The following ARL15 variants were observed in gnomAD, a reference collection of about 807,000 sequenced individuals.
The protein encoded by ARL15 is ADP-ribosylation factor-like protein 15.
ARL15 carries 19 observed loss-of-function variants against 25.2 expected under a neutral mutation model. The ratio of observed to expected loss-of-function variants is 0.75; its 90% confidence interval spans 0.53 to 1.10. The LOEUF is 1.10. Ranked by LOEUF, ARL15 falls within the 50% of genes least tolerant of loss-of-function variation. The pLI, the probability that ARL15 is intolerant of heterozygous loss-of-function variation, is 0.00. For missense variants in ARL15, 220 were observed against 246.0 expected (o/e 0.89, Z 0.71); for synonymous variants, 94 against 86.8 (o/e 1.08, Z -0.46).
At chr5:54,059,325 A>G (rs1750992267) in intron 4 of ARL15, among the ~76,000 whole-genome samples, 1 of 152,220 alleles carries the variant, frequency 6.6e-6, no homozygotes, top group Non-Finnish European at 1.5e-5. Flanking sequence ...CAGCATCTTC[A>G]CTGTGAAGTG....
At chr5:54,077,510 T>C (rs1751649056) in intron 4 of ARL15, among the ~76,000 whole-genome samples, 2 of 152,144 alleles carry the variant, frequency 1.3e-5, no homozygotes, top group African/African-American at 2.4e-5. Flanking sequence ...CAAACAAGTG[T>C]TGAAAAGGTC....
At chr5:54,000,216 T>G (rs1239413697) in intron 4 of ARL15, among the ~76,000 whole-genome samples, 1 of 152,206 alleles carries the variant, frequency 6.6e-6, no homozygotes, top group Non-Finnish European at 1.5e-5. Context: ...GAAATGAATC[T>G]GCTACAGATT....
chr5:54,237,894 T>C (rs1188179319), intron 1 of ARL15, among the ~76,000 whole-genome samples: 1 of 152,184 alleles, frequency 6.6e-6, no homozygotes, highest in Non-Finnish European at 1.5e-5. Flanking sequence ...ACTAACCATA[T>C]GAGGGGGAAA....
chr5:54,111,398 C>T (rs1413740025), intron 4 of ARL15, among the ~76,000 whole-genome samples: 6 of 152,044 alleles, frequency 3.9e-5, no homozygotes, highest in Admixed American at 1.3e-4. Context: ...CTAGGAAAGA[C>T]AGCCAGTCAA....
At chr5:54,162,583 C>T (rs553507126) in intron 2 of ARL15, among the ~76,000 whole-genome samples, 1 of 152,268 alleles carries the variant, frequency 6.6e-6, no homozygotes, top group East Asian at 1.9e-4. Context: ...TGGACCTCTG[C>T]ATTCCCACCT....
Position 54,164,914 on chromosome 5 carries a change from T to C in ARL15, c.193+6870A>G, listed in dbSNP as rs564224739. Among the ~76,000 whole-genome samples, 8 of 152,116 alleles carry C rather than the reference T, an allele frequency of 5.3e-5. No individual in the cohort carries two copies. In the East Asian group the frequency reaches 1.2e-3, roughly 22 times the overall value. ...GTATCACCTTTCTACTTGTTTCCTA[T>C]TTGTTTCATCTATTCTTGTTCCCCT... On this transcript the variant is annotated intron_variant, in intron 2 of 4. Transcript: ENST00000504924.
chr5:54,143,264 T>C (rs1393646422), intron 3 of ARL15, among the ~76,000 whole-genome samples: 1 of 152,112 alleles, frequency 6.6e-6, no homozygotes, highest in African/African-American at 2.4e-5. Context: ...TTTAGCTTTA[T>C]ATAGTTCAGG....
chr5:53,961,390 C>T (rs1251623178), intron 4 of ARL15, among the ~76,000 whole-genome samples: 1 of 147,452 alleles, frequency 6.8e-6, no homozygotes, highest in African/African-American at 2.5e-5. Flanking sequence ...CCCAGCTACT[C>T]GGGAGGCTGA....
chr5:53,999,911 TAAA>T (rs1240457201), intron 4 of ARL15, among the ~76,000 whole-genome samples: 2 of 145,198 alleles, frequency 1.4e-5, no homozygotes, highest in Non-Finnish European at 3.0e-5. Flanking sequence ...TAAAATAAAA[TAAA>T]AATAAAAATA....
intron 4 of ARL15, among the ~76,000 whole-genome samples, chr5:54,083,173 G>T (rs940039790): frequency 2.6e-5 from 4 of 152,166 alleles, no homozygotes; most frequent in African/African-American, 9.7e-5. Flanking sequence ...CTACTGTCTA[G>T]AGAACAAATC....
chr5:54,166,326 C>G (rs936968033), intron 2 of ARL15, among the ~76,000 whole-genome samples: 17 of 152,070 alleles, frequency 1.1e-4, no homozygotes, highest in Non-Finnish European at 2.4e-4. Context: ...TCACAAGTAG[C>G]TGGGACTACA....
chr5:54,082,284 G>A (rs1186333024), intron 4 of ARL15, among the ~76,000 whole-genome samples: 4 of 152,142 alleles, frequency 2.6e-5, no homozygotes, highest in African/African-American at 9.7e-5. Flanking sequence ...AGGAGAAATA[G>A]GAGAATGCTC....
chr5:53,926,609 T>C lies in ARL15; in HGVS notation c.463-39896A>G, dbSNP rs543427337. ...GGAAAGGAATTGACATGATAGCAAA[T>C]TGACAGTGAGTGGCTTCCTCTTCTT... On this transcript the variant is annotated intron_variant, in intron 4 of 4. Coordinates refer to ENST00000504924, the MANE Select transcript of ARL15 (RefSeq NM_019087.3). 8.7e-4 allele frequency among the ~76,000 whole-genome samples: 133 copies of C among 152,200 alleles called. 2 individuals are homozygous for C. The South Asian group carries it at 0.026, about 30-fold the overall frequency.
At chr5:54,000,336 A>G (rs867179123) in intron 4 of ARL15, among the ~76,000 whole-genome samples, 5 of 152,284 alleles carry the variant, frequency 3.3e-5, no homozygotes, top group Middle Eastern at 3.4e-3. Flanking sequence ...TGAGGGTGGT[A>G]ATCTACATAA....
At chr5:54,082,823 A>G (rs1352691171) in intron 4 of ARL15, among the ~76,000 whole-genome samples, 2 of 152,194 alleles carry the variant, frequency 1.3e-5, no homozygotes, top group African/African-American at 4.8e-5. Flanking sequence ...ATTATATGCA[A>G]ATTTGTCAAA....
At chr5:54,292,645 A>T (rs1028575520) in intron 1 of ARL15, among the ~76,000 whole-genome samples, 3 of 152,178 alleles carry the variant, frequency 2.0e-5, no homozygotes, top group Non-Finnish European at 4.4e-5. Flanking sequence ...ATTGAGTAGA[A>T]CCACGCACAA....
chr5:54,183,843 A>G (rs1561256997), intron 1 of ARL15, among the ~76,000 whole-genome samples: 1 of 151,328 alleles, frequency 6.6e-6, no homozygotes, highest in African/African-American at 2.4e-5. Flanking sequence ...AAGACTTGGA[A>G]CCAACCCAAA....
intron 1 of ARL15, among the ~76,000 whole-genome samples, chr5:54,273,659 T>G (rs1452704709): frequency 6.6e-6 from 1 of 152,190 alleles, no homozygotes; most frequent in African/African-American, 2.4e-5. Flanking sequence ...CATGTCCTGG[T>G]CTCCTCTCAG....
At chr5:54,226,118 C>G (rs921648856) in intron 1 of ARL15, among the ~76,000 whole-genome samples, 1 of 151,864 alleles carries the variant, frequency 6.6e-6, no homozygotes, top group Non-Finnish European at 1.5e-5. Flanking sequence ...TAATAGTGGG[C>G]AAAGCAGAAG....
Sources: allele counts gnomAD v4.1 joint callset (sites outside exome capture counted in the v4.1 genomes callset), GRCh38; gene constraint gnomAD v4.1.1; transcripts MANE v1.5; gene names NCBI Gene and HGNC (gene_info 2026-07-23, HGNC 2026-07-21).